KCNG2: variants seen among roughly 807,000 people sequenced by gnomAD.
KCNG2 encodes the protein voltage-gated potassium channel regulatory subunit KCNG2.
A neutral mutation model predicts 12.3 loss-of-function variants in KCNG2; 7 were observed. The ratio of observed to expected loss-of-function variants is 0.57; its 90% CI spans 0.32 to 1.07. The LOEUF is 1.07. Ranked by LOEUF, KCNG2 falls within the 50% of genes least tolerant of loss-of-function variation. The pLI is 0.04. For synonymous variants in KCNG2, 414 were observed against 351.4 expected (o/e 1.18, Z -1.99); for missense variants, 703 against 726.0 (o/e 0.97, Z 0.36).
intron 1 of KCNG2, among the ~76,000 whole-genome samples, chr18:79,843,319 C>T (rs1393312297): frequency 6.6e-6 from 1 of 152,168 alleles, no homozygotes; most frequent in East Asian, 1.9e-4. Flanking sequence ...GGGAGTTTAT[C>T]ACCACTAAAT....
At chr18:79,872,972 G>A (rs901130583) in intron 3 of KCNG2, among the ~76,000 whole-genome samples, 4 of 152,240 alleles carry the variant, frequency 2.6e-5, no homozygotes, top group South Asian at 2.1e-4. Context: ...GCCGGCGTGT[G>A]CTGTCCTCCT....
At chr18:79,807,199 C>T (rs962714689) in intron 1 of KCNG2, among the ~76,000 whole-genome samples, 8 of 152,072 alleles carry the variant, frequency 5.3e-5, no homozygotes, top group Non-Finnish European at 1.0e-4. Context: ...CTGAGGGTTC[C>T]GAGTGGGTGG....
At chr18:79,828,850 G>A (rs1426437404) in intron 1 of KCNG2, among the ~76,000 whole-genome samples, 1 of 137,758 alleles carries the variant, frequency 7.3e-6, no homozygotes, top group Non-Finnish European at 1.5e-5. Flanking sequence ...ATGTGTGCAT[G>A]TGTCTGTGTG....
intron 1 of KCNG2, among the ~76,000 whole-genome samples, chr18:79,811,693 G>A (rs1030217313): frequency 6.6e-6 from 1 of 152,174 alleles, no homozygotes; most frequent in Non-Finnish European, 1.5e-5. Flanking sequence ...ACCAATCAAC[G>A]ATGGGTTTAA....
intron 1 of KCNG2, among the ~76,000 whole-genome samples, chr18:79,813,923 G>A (rs2087510206): frequency 6.6e-6 from 1 of 152,200 alleles, no homozygotes; most frequent in African/African-American, 2.4e-5. Flanking sequence ...TTCAAAACAT[G>A]TCCAGTTAGA....
intron 1 of KCNG2, among the ~76,000 whole-genome samples, chr18:79,828,509 G>T (rs991920276): frequency 4.3e-5 from 1 of 22,992 alleles, no homozygotes; most frequent in African/African-American, 4.8e-5. Context: ...ACATGAGTCT[G>T]TGTAGTGTAA....
At chr18:79,861,813 G>A (rs562537934) in intron 2 of KCNG2, among the ~76,000 whole-genome samples, 8 of 152,258 alleles carry the variant, frequency 5.3e-5, no homozygotes, top group South Asian at 2.1e-4. Context: ...GCTCTGTTCC[G>A]TTTTCTTCAC....
intron 1 of KCNG2, among the ~76,000 whole-genome samples, chr18:79,824,286 C>T (rs1390679158): frequency 1.3e-5 from 2 of 152,364 alleles, no homozygotes; most frequent in South Asian, 2.1e-4. Flanking sequence ...GCGTGAGCCT[C>T]GGTGCTTGGC....
At chr18:79,842,380 A>G (rs1177704048) in intron 1 of KCNG2, among the ~76,000 whole-genome samples, 2 of 152,230 alleles carry the variant, frequency 1.3e-5, no homozygotes, top group Non-Finnish European at 2.9e-5. Flanking sequence ...TGCCAAAGCC[A>G]GTTTATAAAG....
chr18:79,895,570 G>T (rs756371921), intron 3 of KCNG2, among the ~76,000 whole-genome samples: 1 of 152,030 alleles, frequency 6.6e-6, no homozygotes, highest in Non-Finnish European at 1.5e-5. Context: ...GATTGATATA[G>T]TTGGGTCTGT....
At chr18:79,872,287 T>TTTTGTTG (rs1555695116) in intron 3 of KCNG2, among the ~76,000 whole-genome samples, 7 of 113,506 alleles carry the variant, frequency 6.2e-5, no homozygotes, top group African/African-American at 2.1e-4. Context: ...TCAGTTTTTT[T>TTTTGTTG]TTTTTTTTTT....
chr18:79,832,922 C>A (rs551067130), intron 1 of KCNG2, among the ~76,000 whole-genome samples: 1 of 152,018 alleles, frequency 6.6e-6, no homozygotes, highest in Non-Finnish European at 1.5e-5. Flanking sequence ...GGAGTATAAA[C>A]GGCTGGGACG....
At chr18:79,809,870 G>A (rs1222748928) in intron 1 of KCNG2, among the ~76,000 whole-genome samples, 9 of 152,230 alleles carry the variant, frequency 5.9e-5, no homozygotes, top group Admixed American at 5.9e-4. Flanking sequence ...CTCCTTCATT[G>A]TTGCCGGTTT....
chr18:79,805,403 G>A (rs558505964), intron 1 of KCNG2, among the ~76,000 whole-genome samples: 9 of 152,208 alleles, frequency 5.9e-5, no homozygotes, highest in African/African-American at 1.2e-4. Flanking sequence ...GGATGAGGCC[G>A]GCACCTGCGG....
chr18:79,851,187 T>C (rs1030822361), intron 1 of KCNG2, among the ~76,000 whole-genome samples: 1 of 152,184 alleles, frequency 6.6e-6, no homozygotes, highest in Admixed American at 6.5e-5. Flanking sequence ...AAAAAGATCA[T>C]AGGGAGATGT....
At chr18:79,819,874 C>A (rs1310909599) in intron 1 of KCNG2, among the ~76,000 whole-genome samples, 1 of 152,272 alleles carries the variant, frequency 6.6e-6, no homozygotes, top group South Asian at 2.1e-4. Context: ...CCACCTCCAA[C>A]CCCTGGTAAG....
rs1192808004 is a variant in KCNG2 at position 79,864,072 on chromosome 18, G to C, written c.405G>C (p.Ala135=). 4 of 1,071,924 alleles carry C rather than the reference G, an allele frequency of 3.7e-6. No homozygotes were observed. The highest frequency in any genetic ancestry group is 2.3e-6 in the Non-Finnish European group (2 of 887,022). 66.4% of individuals were successfully genotyped at this position (1,071,924 alleles called of 1,614,324 possible). Residue 135 remains alanine, a synonymous_variant, in exon 3 of 4, where the codon GCG becomes GCC. Transcript: ENST00000316249. Reference sequence around the variant, plus strand: ...AGGAGGAGGCGGCCGAGGCCCGCGCGGGGCCGACGGAGCGCGGGGCGCAGG... The same window carrying C: ...AGGAGGAGGCGGCCGAGGCCCGCGCCGGGCCGACGGAGCGCGGGGCGCAGG... ...RREEEAAEAR[A]GPTERGAQGS...
At chr18:79,844,130 T>TCATTCACAATAGC (rs1978547134) in intron 1 of KCNG2, among the ~76,000 whole-genome samples, 2 of 152,162 alleles carry the variant, frequency 1.3e-5, no homozygotes, top group Admixed American at 6.5e-5. Flanking sequence ...CATTGTAGCA[T>TCATTCACAATAGC]CATTCACAAT....
chr18:79,820,152 AT>A (rs2087560462), intron 1 of KCNG2, among the ~76,000 whole-genome samples: 1 of 152,174 alleles, frequency 6.6e-6, no homozygotes, highest in Non-Finnish European at 1.5e-5. Context: ...TGTCCCCATC[AT>A]TTGGCTAATG....
Sources: allele counts gnomAD v4.1 joint callset (sites outside exome capture counted in the v4.1 genomes callset), GRCh38; gene constraint gnomAD v4.1.1; transcripts MANE v1.5; gene names NCBI Gene and HGNC (gene_info 2026-07-23, HGNC 2026-07-21).